Variants in ZNF831 observed in about 807,000 individuals in gnomAD.
The protein encoded by ZNF831 is chromosome 20 open reading frame 174.
Under a neutral mutation model 95.8 loss-of-function variants are expected in ZNF831, and 59 were observed. The observed-to-expected ratio is 0.62, with a 90% CI of 0.50 to 0.77. ZNF831 has a LOEUF of 0.77. Ranked by LOEUF, ZNF831 falls within the 30% of genes least tolerant of loss-of-function variation. The pLI, the probability that ZNF831 is intolerant of heterozygous loss-of-function variation, is 0.00. For synonymous variants in ZNF831, 961 were observed against 925.5 expected, an observed-to-expected ratio of 1.04 and a Z score of -0.70; for missense variants, 2,205 against 2,164.0, an observed-to-expected ratio of 1.02 and a Z score of -0.38.
chr20:59,220,058 C>T (rs952161684), intron 4 of ZNF831, among the ~76,000 whole-genome samples: 15 of 152,194 alleles, frequency 9.9e-5, no homozygotes, highest in African/African-American at 3.6e-4. Flanking sequence ...TTCAATCCCA[C>T]ACCTGAAATG....
intron 1 of ZNF831, among the ~76,000 whole-genome samples, chr20:59,136,630 C>G (rs573564148): frequency 1.5e-4 from 23 of 152,312 alleles, no homozygotes; most frequent in African/African-American, 4.8e-4. Flanking sequence ...AAACCTCCCC[C>G]CTCCTCTGAG....
chr20:59,174,251 G>C (rs1449682806), intron 1 of ZNF831, among the ~76,000 whole-genome samples: 1 of 152,190 alleles, frequency 6.6e-6, no homozygotes, highest in Non-Finnish European at 1.5e-5. Context: ...TCCCTGTCTG[G>C]AAGGCTGCAG....
chr20:59,237,342 T>G (rs1568788665), intron 4 of ZNF831, among the ~76,000 whole-genome samples: 1 of 152,148 alleles, frequency 6.6e-6, no homozygotes, highest in Non-Finnish European at 1.5e-5. Context: ...TGTCTTACCT[T>G]TTGCTTGTGA....
intron 3 of ZNF831, among the ~76,000 whole-genome samples, chr20:59,197,788 C>A (rs552642954): frequency 2.0e-4 from 31 of 152,314 alleles, no homozygotes; most frequent in African/African-American, 7.5e-4. Flanking sequence ...GACAGTCTTC[C>A]AAAGGAAAAT....
chr20:59,192,748 G>A lies in ZNF831; in HGVS notation c.1729G>A (p.Asp577Asn), dbSNP rs773723423. 20 of 1,611,436 alleles carry A rather than the reference G, an allele frequency of 1.2e-5. No homozygotes were observed. The highest frequency in any genetic ancestry group is 1.6e-5 in the Non-Finnish European group (19 of 1,179,474). Residue 577 changes from aspartate (D) to asparagine (N), a missense_variant, in exon 2 of 6, where the codon GAT becomes AAT. Asp to Asn is a conservative substitution (Grantham distance 23, BLOSUM62 1). Transcript: ENST00000371030. The surrounding 1 kb of genome is among the most constrained non-coding windows in gnomAD (Gnocchi z 5.2). ...GGACCTGCCAGGCACCCCCATTGGCGATGCCCTGGTGCCCGCAGAGGACAC... is the reference window on the plus strand; with the variant it reads ...GGACCTGCCAGGCACCCCCATTGGCAATGCCCTGGTGCCCGCAGAGGACAC... ...VEDLPGTPIGDALVPAEDTDA... is the reference protein window; with the variant it reads ...VEDLPGTPIGNALVPAEDTDA...
chr20:59,253,865 C>CTA (rs763771255), intron 5 of ZNF831, 33 bp from the exon 6 acceptor site: 1 of 1,131,762 alleles, frequency 8.8e-7, no homozygotes, highest in Non-Finnish European at 1.2e-6. Flanking sequence ...AACCTCCCCC[C>CTA]CCACTTTTTT....
chr20:59,206,101 C>T (rs1229173949), intron 3 of ZNF831, among the ~76,000 whole-genome samples: 1 of 152,092 alleles, frequency 6.6e-6, no homozygotes, highest in Non-Finnish European at 1.5e-5. Context: ...GATGTAAATA[C>T]TTCGTGTTGA....
At chr20:59,158,428 AG>A (rs1452731072) in intron 2 of ZNF831, among the ~76,000 whole-genome samples, 1 of 152,204 alleles carries the variant, frequency 6.6e-6, no homozygotes, top group East Asian at 1.9e-4. Flanking sequence ...AGCAGAGGTG[AG>A]GGGAGGACAG....
chr20:59,229,243 G>A (rs1466303011), intron 4 of ZNF831, among the ~76,000 whole-genome samples: 4 of 152,210 alleles, frequency 2.6e-5, no homozygotes, highest in African/African-American at 4.8e-5. Context: ...CATCTTGGCT[G>A]TTGTGAATAG....
chr20:59,182,542 G>A (rs186309432), intron 1 of ZNF831, among the ~76,000 whole-genome samples: 6 of 152,052 alleles, frequency 3.9e-5, no homozygotes, highest in Admixed American at 3.9e-4. Context: ...GCAGCTGGCA[G>A]GCCCTCCCTC....
chr20:59,243,347 G>A (rs987496422), intron 4 of ZNF831, among the ~76,000 whole-genome samples: 4 of 152,158 alleles, frequency 2.6e-5, no homozygotes, highest in Non-Finnish European at 4.4e-5. Context: ...GAGGTAAAAG[G>A]TTTACCTAAT....
In ZNF831 at chr20:59,169,130, A is replaced by T. The variant is rs1195852826; in HGVS notation, c.-37+4923A>T. Among the ~76,000 whole-genome samples, 4 of 152,132 alleles carry T rather than the reference A, an allele frequency of 2.6e-5. No homozygotes were observed. The highest frequency in any genetic ancestry group is 9.7e-5 in the African/African-American group (4 of 41,418). On this transcript the variant is annotated intron_variant, in intron 1 of 5. Transcript: ENST00000371030. This position sits in a 1 kb window ranked among gnomAD's most constrained non-coding sequence, Gnocchi z 4.1. The stretch of plus-strand genomic sequence containing the variant: ...ATAAAGTTGCGTCGAATTTGTGTTA[A>T]TTCTTCTTTTAAAGTTAGAATTCTC...
upstream of ZNF831, among the ~76,000 whole-genome samples, chr20:59,161,912 C>A (rs185156876): frequency 6.6e-6 from 1 of 152,248 alleles, no homozygotes; most frequent in East Asian, 1.9e-4. Flanking sequence ...TTTTCTGCAA[C>A]CTCACCAACA....
intron 4 of ZNF831, among the ~76,000 whole-genome samples, chr20:59,238,207 G>A (rs1159965848): frequency 1.3e-5 from 2 of 152,082 alleles, no homozygotes; most frequent in Non-Finnish European, 2.9e-5. Flanking sequence ...ATCCTGATCA[G>A]TTTGGGCATT....
At chr20:59,216,055 G>T (rs547828833) in intron 4 of ZNF831, among the ~76,000 whole-genome samples, 10 of 152,316 alleles carry the variant, frequency 6.6e-5, no homozygotes, top group Admixed American at 2.6e-4. Flanking sequence ...GAATAGAAGA[G>T]AGAACAGCTT....
Position 59,217,162 on chromosome 20 carries a change from C to CTGTGTGTGTG in ZNF831, c.4027+10130_4027+10139dup, listed in dbSNP as rs201079519. On this transcript the variant is annotated intron_variant, in intron 4 of 5. Coordinates refer to ENST00000371030, the MANE Select transcript of ZNF831 (RefSeq NM_178457.3). The surrounding 1 kb of genome is among the most constrained non-coding windows in gnomAD (Gnocchi z 4.4). ...GAGTACATCTGACAGATCTTCATCT[C>CTGTGTGTGTG]TGTGTGTGTGTGTGTGTGTGTGTGT... Among the ~76,000 whole-genome samples, 14,775 of 148,644 alleles carry CTGTGTGTGTG rather than the reference C, an allele frequency of 0.099. 896 individuals carry two copies. The highest frequency in any genetic ancestry group is 0.18 in the East Asian group (913 of 4,998).
At position 59,258,595 on chromosome 20, in the gene ZNF831, C is replaced by A. The variant is rs1988284709; in HGVS notation, c.*3852C>A. The A allele has an allele frequency of 6.6e-6, 1 of 152,572 alleles. No individual in the cohort carries two copies. The highest frequency in any genetic ancestry group is 1.5e-5 in the Non-Finnish European group (1 of 68,032). The allele number at this position is 152,572 out of a possible 1,614,324, so 9.5% of individuals were successfully genotyped here. On this transcript the variant is annotated 3_prime_UTR_variant, in exon 6 of 6. Coordinates refer to ENST00000371030, the MANE Select transcript of ZNF831 (RefSeq NM_178457.3). ...TGACCTGCCTGGCTCTATGGGTGAT[C>A]ATATTTCTACTGCTGCAGCAAGCTG...
chr20:59,253,625 G>A (rs914107225), intron 5 of ZNF831, among the ~76,000 whole-genome samples: 7 of 152,194 alleles, frequency 4.6e-5, no homozygotes, highest in African/African-American at 1.7e-4. Context: ...GAACTGGTAA[G>A]ATAATTGAGT....
chr20:59,238,605 C>T (rs1018859121), intron 4 of ZNF831, among the ~76,000 whole-genome samples: 1 of 152,200 alleles, frequency 6.6e-6, no homozygotes, highest in Non-Finnish European at 1.5e-5. Context: ...AAAGCTAATA[C>T]ATGGAAGAAG....
Sources: gnomAD v4.1 joint callset for allele counts (sites outside exome capture counted in the v4.1 genomes callset) on GRCh38, gnomAD v4.1.1 for gene constraint, Gnocchi (gnomAD v3.1) non-coding constraint, MANE v1.5 for transcripts, NCBI Gene and HGNC (gene_info 2026-07-23, HGNC 2026-07-21) for gene names.